The following AHCYL2 variants were observed in gnomAD, a reference collection of about 807,000 sequenced individuals.
The protein encoded by AHCYL2 is adenosylhomocysteinase like 2, also known as S-adenosylhomocysteine hydrolase-like protein 2.
AHCYL2 carries 28 observed loss-of-function variants against 81.4 expected under a neutral mutation model. That is an observed-to-expected ratio of 0.34 (90% CI 0.25 to 0.47). The LOEUF (loss-of-function observed/expected upper bound fraction) is 0.47, where lower values mean the gene tolerates loss of function less well. AHCYL2 is among the 20% of genes least tolerant of loss of function. The pLI, the probability that AHCYL2 is intolerant of heterozygous loss-of-function variation, is 1.00. For missense variants in AHCYL2, 551 were observed against 785.1 expected, an observed-to-expected ratio of 0.70 and a Z score of 3.56; for synonymous variants, 272 against 290.2, an observed-to-expected ratio of 0.94 and a Z score of 0.64.
At chr7:129,422,701 A>AC in intron 12 of AHCYL2, 139 bp from the exon 13 acceptor site, 1 of 680,626 alleles carries the variant, frequency 1.5e-6, no homozygotes, top group Non-Finnish European at 2.6e-6. Context: ...AGTCCTAACC[A>AC]ACACAGGACA....
chr7:129,388,948 A>C (rs1401350095), intron 2 of AHCYL2, 108 bp from the exon 3 acceptor site: 3 of 1,367,628 alleles, frequency 2.2e-6, no homozygotes, highest in Non-Finnish European at 3.0e-6. Flanking sequence ...GAGGTAAAAA[A>C]ATTTATATGG....
rs1043225659 is a variant in AHCYL2, at chr7:129,428,133, T to C, written c.*1088T>C. 6.6e-6 allele frequency: 1 copy of C among 152,238 alleles called. No homozygotes were observed. Among genetic ancestry groups the C allele is most frequent in the African/African-American group, 2.4e-5 (1 of 41,460 alleles). 9.4% of individuals were successfully genotyped at this position (152,238 alleles called of 1,614,324 possible). ...TGGCTGAGGGATACAGAGATGAAAT[T>C]GTAAACTGTATCCAGATTATCAAAG... On this transcript the variant is annotated 3_prime_UTR_variant, in exon 17 of 17. Coordinates refer to ENST00000325006, the MANE Select transcript of AHCYL2 (RefSeq NM_015328.4).
intron 1 of AHCYL2, among the ~76,000 whole-genome samples, chr7:129,358,340 A>G (rs1282679648): frequency 6.6e-6 from 1 of 151,230 alleles, no homozygotes; most frequent in African/African-American, 2.4e-5. Flanking sequence ...TCCTGTGAGC[A>G]GAGATCGCGC....
chr7:129,243,113 C>T (rs1431987899), intron 1 of AHCYL2, among the ~76,000 whole-genome samples: 13 of 150,752 alleles, frequency 8.6e-5, no homozygotes, highest in African/African-American at 3.2e-4. Flanking sequence ...CTCTGAAGCC[C>T]GAGTTCAAGC....
intron 1 of AHCYL2, among the ~76,000 whole-genome samples, chr7:129,253,179 C>T (rs1795299319): frequency 6.6e-6 from 1 of 151,778 alleles, no homozygotes; most frequent in Non-Finnish European, 1.5e-5. Context: ...TGCACTCCAG[C>T]CTGGCCGACA....
chr7:129,393,866 A>G (rs1048939879), intron 4 of AHCYL2, among the ~76,000 whole-genome samples: 4 of 152,122 alleles, frequency 2.6e-5, no homozygotes, highest in Non-Finnish European at 5.9e-5. Context: ...CTCTCCATAC[A>G]TGTAACTGGA....
At chr7:129,270,326 G>C (rs1456784296) in intron 1 of AHCYL2, among the ~76,000 whole-genome samples, 2 of 152,156 alleles carry the variant, frequency 1.3e-5, no homozygotes, top group Admixed American at 1.3e-4. Flanking sequence ...GATAAAAATA[G>C]TATACATTCC....
intron 1 of AHCYL2, among the ~76,000 whole-genome samples, chr7:129,264,244 A>G (rs1258866054): frequency 6.6e-6 from 1 of 152,138 alleles, no homozygotes. Context: ...GATGGTCTCA[A>G]TCTCCTGACC....
intron 1 of AHCYL2, among the ~76,000 whole-genome samples, chr7:129,246,432 G>A (rs968783938): frequency 1.3e-5 from 2 of 152,086 alleles, no homozygotes; most frequent in African/African-American, 4.8e-5. Context: ...AGTCACTTTT[G>A]CCCATTTGTG....
In AHCYL2 at chr7:129,296,308, T is replaced by C. The variant is rs113451754; in HGVS notation, c.363+70869T>C. 2.7e-3 allele frequency among the ~76,000 whole-genome samples: 412 copies of C among 152,352 alleles called. 3 individuals carry two copies. The highest frequency in any genetic ancestry group is 4.6e-3 in the Non-Finnish European group (315 of 68,038). ...AACCTCTGTACACCTTAATATTCCA[T>C]CAACCACAGACTTTTCTTCCAATTA... On this transcript the variant is annotated intron_variant, in intron 1 of 16. Transcript: ENST00000325006.
At chr7:129,230,294 G>A in intron 1 of AHCYL2, among the ~76,000 whole-genome samples, 1 of 151,776 alleles carries the variant, frequency 6.6e-6, no homozygotes, top group Non-Finnish European at 1.5e-5. Context: ...AAGTTAGCCA[G>A]GGTGGTCTCG....
At chr7:129,367,677 G>C (rs1794174488) in intron 1 of AHCYL2, among the ~76,000 whole-genome samples, 1 of 152,200 alleles carries the variant, frequency 6.6e-6, no homozygotes, top group Non-Finnish European at 1.5e-5. Flanking sequence ...CTTCTGACTA[G>C]CCTCAGTGAA....
At chr7:129,298,309 T>C (rs1368557329) in intron 1 of AHCYL2, among the ~76,000 whole-genome samples, 1 of 152,224 alleles carries the variant, frequency 6.6e-6, no homozygotes, top group Non-Finnish European at 1.5e-5. Flanking sequence ...CCTGGTTTTA[T>C]TGTTGAACAA....
rs1729649176 is a variant in AHCYL2, at chr7:129,406,360, G to A, written c.1207-18G>A. 1 of 1,610,552 alleles carries A rather than the reference G, an allele frequency of 6.2e-7. No homozygotes were observed. The highest frequency in any genetic ancestry group is 1.3e-5 in the African/African-American group (1 of 74,902). ...CTCAGTGACTTTCCTTAATATGTGT[G>A]CTCTCTCCCCTCTTCAGGTGGGGAA... On this transcript the variant is annotated intron_variant, in intron 9 of 16. Transcript: ENST00000325006. The surrounding 1 kb of genome is among the most constrained non-coding windows in gnomAD (Gnocchi z 4.3).
chr7:129,358,943 T>G (rs1400815086), intron 1 of AHCYL2, among the ~76,000 whole-genome samples: 2 of 152,202 alleles, frequency 1.3e-5, no homozygotes, highest in Non-Finnish European at 2.9e-5. Flanking sequence ...TTTGGAAAAT[T>G]GTTTGACATT....
chr7:129,395,622 ATGGCAGGCCCAATTCC>A (rs1795693097), intron 4 of AHCYL2, among the ~76,000 whole-genome samples: 1 of 152,096 alleles, frequency 6.6e-6, no homozygotes, highest in South Asian at 2.1e-4. Context: ...CTAGTCCCTA[ATGGCAGGCCCAATTCC>A]TGCTCTTCCT....
chr7:129,409,056 C>T (rs1250862889), intron 10 of AHCYL2, among the ~76,000 whole-genome samples: 1 of 151,594 alleles, frequency 6.6e-6, no homozygotes, highest in Non-Finnish European at 1.5e-5. Flanking sequence ...TACTGCACTC[C>T]AGCCTGGGCA....
chr7:129,401,483 G>C (rs554455823), intron 6 of AHCYL2, among the ~76,000 whole-genome samples: 1 of 152,246 alleles, frequency 6.6e-6, no homozygotes, highest in Non-Finnish European at 1.5e-5. Context: ...ATTGCTTGCT[G>C]CTGAAGGCTG....
intron 1 of AHCYL2, among the ~76,000 whole-genome samples, chr7:129,360,230 C>T (rs1471904664): frequency 6.6e-6 from 1 of 152,084 alleles, no homozygotes; most frequent in African/African-American, 2.4e-5. Context: ...ATTCTCCTGC[C>T]TCAGCCTTCC....
Sources: allele counts gnomAD v4.1 joint callset (sites outside exome capture counted in the v4.1 genomes callset), GRCh38; gene constraint gnomAD v4.1.1; non-coding constraint Gnocchi (gnomAD v3.1); transcripts MANE v1.5; gene names NCBI Gene and HGNC (gene_info 2026-07-23, HGNC 2026-07-21).